SNX6: variants seen among roughly 807,000 people sequenced by gnomAD.
SNX6 encodes the protein sorting nexin 6.
Under a neutral mutation model 63.0 loss-of-function variants are expected in SNX6, and 34 were observed. The observed-to-expected ratio is 0.54, with a 90% CI of 0.41 to 0.72. SNX6 has a LOEUF of 0.72. Among genes scored for constraint, SNX6 ranks in the 30% least tolerant of loss-of-function variants. The pLI is 0.00. For missense variants in SNX6, 398 were observed against 471.4 expected, an observed-to-expected ratio of 0.84 and a Z score of 1.44; for synonymous variants, 170 against 164.2, an observed-to-expected ratio of 1.04 and a Z score of -0.27.
chr14:34,570,059 G>A, intron 11 of SNX6, among the ~76,000 whole-genome samples: 1 of 148,772 alleles, frequency 6.7e-6, no homozygotes, highest in East Asian at 1.9e-4. Flanking sequence ...TTGTTTTTTT[G>A]GGGTTTTTTT....
rs1362967041 is a variant in SNX6 at position 34,571,163 on chromosome 14, G to C, written c.922-3150C>G. Among the ~76,000 whole-genome samples the C allele has an allele frequency of 6.6e-5, 10 of 152,172 alleles. 1 individual carries two copies. The South Asian group carries it at 2.1e-3, about 32-fold the overall frequency. On this transcript the variant is annotated intron_variant, in intron 11 of 13. Transcript: ENST00000362031. Reference sequence around the variant, plus strand: ...AAAGACATAGAAGAGGCCAGGTGCAGTGGCTCACGTCTGTAATCCCAGCAC... The same window carrying C: ...AAAGACATAGAAGAGGCCAGGTGCACTGGCTCACGTCTGTAATCCCAGCAC...
chr14:34,623,867 A>T (rs1191249305), intron 2 of SNX6, among the ~76,000 whole-genome samples: 1 of 152,252 alleles, frequency 6.6e-6, no homozygotes, highest in African/African-American at 2.4e-5. Context: ...AATCAAGTGC[A>T]AAGAGAATCA....
intron 10 of SNX6, among the ~76,000 whole-genome samples, chr14:34,578,870 C>T (rs575517795): frequency 9.1e-5 from 11 of 120,378 alleles, no homozygotes; most frequent in Non-Finnish European, 1.8e-4. Flanking sequence ...ACCTGGGAGG[C>T]GGAGGTTTCA....
At chr14:34,575,721 G>T in intron 11 of SNX6, 35 bp downstream of exon 11, 1 of 1,238,088 alleles carries the variant, frequency 8.1e-7, no homozygotes, top group Non-Finnish European at 1.2e-6. Context: ...ATGGCTGTTT[G>T]TAAAATGGCT....
chr14:34,614,350 T>C (rs908246029), intron 2 of SNX6, among the ~76,000 whole-genome samples: 7 of 150,658 alleles, frequency 4.6e-5, no homozygotes, highest in Admixed American at 1.3e-4. Flanking sequence ...GACAGGAGGA[T>C]TGCTTGAACT....
intron 8 of SNX6, among the ~76,000 whole-genome samples, chr14:34,590,132 C>G (rs1286062581): frequency 6.6e-6 from 1 of 151,216 alleles, no homozygotes; most frequent in Non-Finnish European, 1.5e-5. Context: ...ACAACAACAA[C>G]AAGAATAAAG....
In SNX6 at chr14:34,615,016, T is replaced by C. The variant is rs1883366099; in HGVS notation, c.55-5274A>G. On this transcript the variant is annotated intron_variant, in intron 2 of 13. Coordinates refer to ENST00000362031, the MANE Select transcript of SNX6 (RefSeq NM_152233.4). ...TCAGAGATATCTACATTTGAGAAGATGTTATTTATTCTTCCAATTCAAGAT... is the reference window on the plus strand; with the variant it reads ...TCAGAGATATCTACATTTGAGAAGACGTTATTTATTCTTCCAATTCAAGAT... 2.6e-5 allele frequency among the ~76,000 whole-genome samples: 4 copies of C among 152,146 alleles called. No homozygotes were observed. The South Asian group carries it at 8.3e-4, about 31-fold the overall frequency.
intron 7 of SNX6, among the ~76,000 whole-genome samples, chr14:34,595,573 A>C (rs1229298236): frequency 6.6e-6 from 1 of 152,216 alleles, no homozygotes; most frequent in Non-Finnish European, 1.5e-5. Flanking sequence ...AATTATCAAA[A>C]TTATAATCAA....
intron 6 of SNX6, among the ~76,000 whole-genome samples, chr14:34,603,082 TC>T (rs1882886879): frequency 6.6e-6 from 1 of 151,048 alleles, no homozygotes; most frequent in African/African-American, 2.4e-5. Context: ...TCGAGACCAT[TC>T]TGGCTAACAC....
At chr14:34,566,195 T>C (rs1339883942) in intron 13 of SNX6, among the ~76,000 whole-genome samples, 1 of 152,186 alleles carries the variant, frequency 6.6e-6, no homozygotes, top group African/African-American at 2.4e-5. Flanking sequence ...ACAGGGTTAT[T>C]AGACCAAGAA....
intron 7 of SNX6, 129 bp downstream of exon 7, chr14:34,597,421 G>A (rs976407986): frequency 1.6e-6 from 1 of 638,934 alleles, no homozygotes; most frequent in Non-Finnish European, 2.7e-6. Flanking sequence ...GATTCCTCCT[G>A]TTCCTAGGAC....
chr14:34,576,513 A>G (rs571951808), intron 10 of SNX6, among the ~76,000 whole-genome samples: 2 of 151,244 alleles, frequency 1.3e-5, no homozygotes, highest in South Asian at 2.1e-4. Flanking sequence ...CAGTGGCGCA[A>G]TCTCGGCTCA....
intron 10 of SNX6, among the ~76,000 whole-genome samples, chr14:34,581,331 T>G (rs938839458): frequency 6.6e-6 from 1 of 152,156 alleles, no homozygotes; most frequent in Non-Finnish European, 1.5e-5. Context: ...TTTTTGTATT[T>G]TTAGTAGAGA....
chr14:34,627,185 G>A (rs1392013491), intron 2 of SNX6, among the ~76,000 whole-genome samples: 2 of 152,138 alleles, frequency 1.3e-5, no homozygotes, highest in East Asian at 1.9e-4. Flanking sequence ...GGTGGCTCAC[G>A]CCTGTAATCC....
chr14:34,602,957 C>CA (rs1384832139), intron 6 of SNX6, among the ~76,000 whole-genome samples: 4 of 138,662 alleles, frequency 2.9e-5, no homozygotes, highest in African/African-American at 1.1e-4. Flanking sequence ...GCCTGGCTGA[C>CA]AGAGCGAGAC....
chr14:34,591,351 C>T (rs556333929), intron 8 of SNX6, among the ~76,000 whole-genome samples: 28 of 152,270 alleles, frequency 1.8e-4, no homozygotes, highest in African/African-American at 5.5e-4. Flanking sequence ...TGCAGATGTT[C>T]TAAGTGGTGA....
chr14:34,582,874 T>C lies in SNX6; in HGVS notation c.795-1274A>G, dbSNP rs573520558. Among the ~76,000 whole-genome samples the C allele has an allele frequency of 6.0e-5, 9 of 151,238 alleles. No homozygotes were observed. The Middle Eastern group carries it at 0.01, about 171-fold the overall frequency. On this transcript the variant is annotated intron_variant, in intron 9 of 13. Coordinates refer to ENST00000362031, the MANE Select transcript of SNX6 (RefSeq NM_152233.4). ...ATTTATCTAGATTCATTGTAGCAAATAGGCTGAGGCAAGCAGCTCACTTGA... is the reference window on the plus strand; with the variant it reads ...ATTTATCTAGATTCATTGTAGCAAACAGGCTGAGGCAAGCAGCTCACTTGA...
intron 11 of SNX6, among the ~76,000 whole-genome samples, chr14:34,571,407 T>G (rs1881446874): frequency 1.3e-5 from 2 of 151,980 alleles, no homozygotes; most frequent in South Asian, 4.1e-4. Context: ...CACTCCAGCC[T>G]GGGTGACAGA....
chr14:34,581,676 C>A, intron 9 of SNX6, 76 bp from the exon 10 acceptor site: 1 of 853,988 alleles, frequency 1.2e-6, no homozygotes, highest in South Asian at 1.6e-5. Context: ...AATATGCTCC[C>A]AAACCATATT....
Sources: allele counts gnomAD v4.1 joint callset (sites outside exome capture counted in the v4.1 genomes callset), GRCh38; gene constraint gnomAD v4.1.1; transcripts MANE v1.5; gene names NCBI Gene and HGNC (gene_info 2026-07-23, HGNC 2026-07-21).